Variants in LOXL1 observed in about 807,000 individuals in gnomAD.
LOXL1 encodes the protein lysyl oxidase like 1.
LOXL1 carries 31 observed loss-of-function variants against 62.2 expected under a neutral mutation model. The ratio of observed to expected loss-of-function variants is 0.50; its 90% CI spans 0.37 to 0.67. The LOEUF is 0.67. LOXL1 is among the 30% of genes least tolerant of loss of function. The pLI is 0.00. For synonymous variants in LOXL1, 403 were observed against 384.4 expected (o/e 1.05, Z -0.56); for missense variants, 775 against 843.4 (o/e 0.92, Z 1.00).
At position 73,951,818 on chromosome 15, in the gene LOXL1, T is replaced by C; in HGVS notation, c.1719-13T>C. 1 of 1,550,608 alleles carries C rather than the reference T, an allele frequency of 6.4e-7. No homozygotes were observed. Among genetic ancestry groups the C allele is most frequent in the South Asian group, 1.2e-5 (1 of 84,016 alleles). ...TGCAGCCCCTCATTGACCCACTGTC[T>C]TTCCTTCCTCAGATCCTGATCTCCG... On this transcript the variant is annotated splice_polypyrimidine_tract_variant and intron_variant, in intron 6 of 6. Transcript: ENST00000261921.
At chr15:73,943,798 ACTCT>A (rs562608104) in intron 2 of LOXL1, among the ~76,000 whole-genome samples, 1 of 151,678 alleles carries the variant, frequency 6.6e-6, no homozygotes, top group Non-Finnish European at 1.5e-5. Flanking sequence ...GGACATTTGA[ACTCT>A]CTGTTTAGTT....
chr15:73,927,357 G>A lies in LOXL1; in HGVS notation c.574G>A (p.Asp192Asn), dbSNP rs1237737291. ...APFVSQYENY[D>N]PASRTYDQGF... ...CTTCGTCAGCCAGTACGAGAACTAC[G>A]ACCCCGCGTCGCGGACCTACGACCA... Residue 192 changes from aspartate (D) to asparagine (N), a missense_variant, in exon 1 of 7, where the codon GAC (aspartate) becomes AAC (asparagine). Coordinates refer to ENST00000261921, the MANE Select transcript of LOXL1 (RefSeq NM_005576.4). 3.1e-6 allele frequency: 5 copies of A among 1,589,992 alleles called. No homozygotes were observed. The Admixed American group carries it at 5.2e-5, about 16-fold the overall frequency.
At chr15:73,935,309 G>C in intron 1 of LOXL1, among the ~76,000 whole-genome samples, 1 of 152,154 alleles carries the variant, frequency 6.6e-6, no homozygotes, top group East Asian at 1.9e-4. Flanking sequence ...TCTTGAGATA[G>C]AGCTGAGGGG....
At chr15:73,936,490 A>G (rs1204851410) in intron 1 of LOXL1, among the ~76,000 whole-genome samples, 1 of 152,206 alleles carries the variant, frequency 6.6e-6, no homozygotes, top group African/African-American at 2.4e-5. Flanking sequence ...GCGCTAGCCA[A>G]AACATCCCGC....
intron 3 of LOXL1, 35 bp downstream of exon 3, chr15:73,946,589 C>G (rs995642779): frequency 1.3e-6 from 2 of 1,576,516 alleles, no homozygotes; most frequent in African/African-American, 2.7e-5. Context: ...TCCTCTTCCA[C>G]TTCTCCTCTG....
At chr15:73,947,034 C>T in intron 3 of LOXL1, 33 bp from the exon 4 acceptor site, 1 of 1,555,034 alleles carries the variant, frequency 6.4e-7, no homozygotes, top group Non-Finnish European at 8.7e-7. Context: ...AAGACTAGGC[C>T]CTCTTCTTTC....
Position 73,927,787 on chromosome 15 carries a change from G to T in LOXL1, c.1004G>T (p.Arg335Leu). 1 of 1,412,336 alleles carries T rather than the reference G, an allele frequency of 7.1e-7. No individual in the cohort carries two copies. Among genetic ancestry groups the T allele is most frequent in the South Asian group, 1.5e-5 (1 of 66,306 alleles). The allele number at this position is 1,412,336 out of a possible 1,614,324, so 87.5% of individuals were successfully genotyped here. A position where few individuals can be genotyped will look rare whatever the true frequency, so the allele number is the denominator to read the frequency against. The change falls in exon 1 of 7, where the codon CGC becomes CTC. Residue 335 changes from arginine (R) to leucine (L), a missense_variant. Coordinates refer to ENST00000261921, the MANE Select transcript of LOXL1 (RefSeq NM_005576.4). ...RALEPPYLPV[R>L]SSDTPPPGGE... ...CTGGAGCCGCCCTACCTGCCGGTGC[G>T]CAGCTCCGACACGCCCCCGCCGGGT...
rs943069608 is a variant in LOXL1 at position 73,927,412 on chromosome 15, G to A, written c.629G>A (p.Gly210Asp). ...TTCGTGTACTACCGGCCCGCGGGCG[G>A]CGGCGTGGGCGCGGGGGCGGCGGCC... ...QGFVYYRPAGGGVGAGAAAVA... is the reference protein window; with the variant it reads ...QGFVYYRPAGDGVGAGAAAVA... Residue 210 changes from glycine to aspartate, a missense_variant, in exon 1 of 7, where the codon GGC becomes GAC. Coordinates refer to ENST00000261921, the MANE Select transcript of LOXL1 (RefSeq NM_005576.4). The A allele has an allele frequency of 9.1e-6, 14 of 1,532,390 alleles. No individual in the cohort carries two copies. Among genetic ancestry groups the A allele is most frequent in the South Asian group, 1.2e-5 (1 of 82,264 alleles). 94.9% of individuals were successfully genotyped at this position (1,532,390 alleles called of 1,614,324 possible). A position where few individuals can be genotyped will look rare whatever the true frequency, so the allele number is the denominator to read the frequency against.
chr15:73,928,051 C>G, intron 1 of LOXL1, 166 bp downstream of exon 1: 4 of 533,548 alleles, frequency 7.5e-6, no homozygotes, highest in Non-Finnish European at 1.2e-5. Context: ...AACAGCACCC[C>G]CCTGGCATCT....
chr15:73,934,338 C>T (rs562594982), intron 1 of LOXL1, among the ~76,000 whole-genome samples: 83 of 152,212 alleles, frequency 5.5e-4, no homozygotes, highest in African/African-American at 1.8e-3. Context: ...CTGAGCTGGG[C>T]GTGGAGAATT....
chr15:73,949,289 A>C (rs1309809340), intron 5 of LOXL1, among the ~76,000 whole-genome samples, 170 bp from the exon 6 acceptor site: 1 of 152,168 alleles, frequency 6.6e-6, no homozygotes, highest in Non-Finnish European at 1.5e-5. Flanking sequence ...TTGGATTACC[A>C]GCTGCCTCTT....
chr15:73,932,987 C>T (rs1490051894), intron 1 of LOXL1, among the ~76,000 whole-genome samples: 1 of 152,216 alleles, frequency 6.6e-6, no homozygotes, highest in East Asian at 1.9e-4. Context: ...TAAGCAGCCT[C>T]ATTCCAGGCA....
chr15:73,927,241 G>T lies in LOXL1; in HGVS notation c.458G>T (p.Gly153Val), dbSNP rs3825942. ...TCCGTCTCCCAGCAACGGCACGGGG[G>T]CTCCGCCTCCTCGGTCTCGGCTTCG... Reference protein sequence around the residue: ...RTSVSQQRHGGSASSVSASAF... With the variant: ...RTSVSQQRHGVSASSVSASAF... Residue 153 changes from glycine (G) to valine (V), a missense_variant, in exon 1 of 7, where the codon GGC (glycine) becomes GTC (valine). By Grantham distance (109) the Gly-to-Val change is moderately radical. Coordinates refer to ENST00000261921, the MANE Select transcript of LOXL1 (RefSeq NM_005576.4). The T allele has an allele frequency of 1.3e-6, 2 of 1,597,618 alleles. No homozygotes were observed. The highest frequency in any genetic ancestry group is 1.4e-5 in the African/African-American group (1 of 73,578).
chr15:73,928,578 A>AT (rs1334035347), intron 1 of LOXL1, among the ~76,000 whole-genome samples: 1 of 128,480 alleles, frequency 7.8e-6, no homozygotes, highest in Non-Finnish European at 1.6e-5. Context: ...ATTGAGATGT[A>AT]TTTTTTTAAG....
chr15:73,950,739 T>A (rs1364947582), intron 6 of LOXL1, among the ~76,000 whole-genome samples: 1 of 152,160 alleles, frequency 6.6e-6, no homozygotes, highest in East Asian at 1.9e-4. Flanking sequence ...GTGGCCAGGG[T>A]CAGGGCTCAG....
At chr15:73,937,366 G>A (rs1233631825) in intron 1 of LOXL1, among the ~76,000 whole-genome samples, 9 of 152,226 alleles carry the variant, frequency 5.9e-5, no homozygotes, top group Non-Finnish European at 1.3e-4. Flanking sequence ...GGTTTGAAGG[G>A]CATGCTATAG....
At position 73,926,775 on chromosome 15, in the gene LOXL1, G is replaced by C. The variant is rs193092387; in HGVS notation, c.-9G>C. ...TCTCTGTCCACCAGGCCTCTGCAGAGGGGTCACCATGGCTCTGGCCCGAGG... is the reference window on the plus strand; with the variant it reads ...TCTCTGTCCACCAGGCCTCTGCAGACGGGTCACCATGGCTCTGGCCCGAGG... On this transcript the variant is annotated 5_prime_UTR_variant, in exon 1 of 7. Coordinates refer to ENST00000261921, the MANE Select transcript of LOXL1 (RefSeq NM_005576.4). 5.7e-5 allele frequency: 81 copies of C among 1,411,156 alleles called. No homozygotes were observed. In the African/African-American group the frequency reaches 1.2e-3, roughly 20 times the overall value. 87.4% of individuals were successfully genotyped at this position (1,411,156 alleles called of 1,614,324 possible). A position where few individuals can be genotyped will look rare whatever the true frequency, so the allele number is the denominator to read the frequency against.
At chr15:73,940,845 C>T (rs761183764) in intron 1 of LOXL1, among the ~76,000 whole-genome samples, 6 of 152,330 alleles carry the variant, frequency 3.9e-5, no homozygotes, top group East Asian at 1.9e-4. Context: ...CTCTTCCTCC[C>T]GCTCCTCCAA....
In LOXL1 at chr15:73,927,443, C is replaced by A. The variant is rs756159948; in HGVS notation, c.660C>A (p.Ala220=). Residue 220 remains alanine (A), a synonymous_variant, in exon 1 of 7, where the codon GCC becomes GCA. Transcript: ENST00000261921. ...TGGGCGCGGGGGCGGCGGCCGTGGC[C>A]TCGGCGGGGGTCATCTACCCCTACC... is the stretch of plus-strand genomic sequence containing the variant. ...GGVGAGAAAV[A]SAGVIYPYQP... 1.4e-6 allele frequency: 2 copies of A among 1,454,996 alleles called. No individual in the cohort carries two copies. The highest frequency in any genetic ancestry group is 1.8e-6 in the Non-Finnish European group (2 of 1,105,340). 90.1% of individuals were successfully genotyped at this position (1,454,996 alleles called of 1,614,324 possible). A position where few individuals can be genotyped will look rare whatever the true frequency, so the allele number is the denominator to read the frequency against.
Sources: allele counts gnomAD v4.1 joint callset (sites outside exome capture counted in the v4.1 genomes callset), GRCh38; gene constraint gnomAD v4.1.1; transcripts MANE v1.5; gene names NCBI Gene and HGNC (gene_info 2026-07-23, HGNC 2026-07-21).